ITGA1: variants seen among roughly 807,000 people sequenced by gnomAD.
ITGA1 encodes integrin subunit alpha 1.
A neutral mutation model predicts 145.9 loss-of-function variants in ITGA1; 85 were observed. The ratio of observed to expected loss-of-function variants is 0.58; its 90% CI spans 0.49 to 0.70. ITGA1 has a LOEUF of 0.70. Among genes scored for constraint, ITGA1 ranks in the 30% least tolerant of loss-of-function variants. The pLI is 0.00. For synonymous variants in ITGA1, 520 were observed against 495.3 expected, an observed-to-expected ratio of 1.05 and a Z score of -0.66; for missense variants, 1,351 against 1,418.7, an observed-to-expected ratio of 0.95 and a Z score of 0.77.
At chr5:52,944,508 T>C (rs1484446958) in intron 26 of ITGA1, among the ~76,000 whole-genome samples, 1 of 152,170 alleles carries the variant, frequency 6.6e-6, no homozygotes, top group Non-Finnish European at 1.5e-5. Flanking sequence ...ACTTGATAAT[T>C]TGGGATCTCT....
At chr5:52,866,262 C>T (rs1749686143) in intron 6 of ITGA1, among the ~76,000 whole-genome samples, 1 of 152,186 alleles carries the variant, frequency 6.6e-6, no homozygotes, top group Admixed American at 6.5e-5. Flanking sequence ...GTTGATACAC[C>T]TGTCTCTGCC....
intron 14 of ITGA1, among the ~76,000 whole-genome samples, chr5:52,911,419 CTA>C (rs1430861069): frequency 4.0e-5 from 5 of 126,524 alleles, no homozygotes; most frequent in African/African-American, 1.2e-4. Context: ...TGTATATACA[CTA>C]TATAGATACT....
At position 52,939,604 on chromosome 5, in the gene ITGA1, A is replaced by G. The variant is rs745883099; in HGVS notation, c.3093A>G (p.Arg1031=). ...TTCATTTCTAGAATGCAAACTGCAGACCCCATATCTTTGAGGATCCTTTCA... is the reference window on the plus strand; with the variant it reads ...TTCATTTCTAGAATGCAAACTGCAGGCCCCATATCTTTGAGGATCCTTTCA... ...GLSSSENANC[R]PHIFEDPFSI... is the part of the protein sequence containing the mutation. The change falls in exon 25 of 29, where the codon AGA becomes AGG. Residue 1031 remains arginine (R), a synonymous_variant. Coordinates refer to ENST00000282588, the MANE Select transcript of ITGA1 (RefSeq NM_181501.2). 108 of 1,609,708 alleles carry G rather than the reference A, an allele frequency of 6.7e-5. No homozygotes were observed. Among genetic ancestry groups the G allele is most frequent in the Non-Finnish European group, 9.0e-5 (106 of 1,176,504 alleles).
chr5:52,925,162 C>T, intron 18 of ITGA1, 116 bp from the exon 19 acceptor site: 1 of 704,232 alleles, frequency 1.4e-6, no homozygotes. Flanking sequence ...GGAAATTCTC[C>T]TTATGAGTTG....
chr5:52,927,477 A>G, intron 19 of ITGA1, 107 bp from the exon 20 acceptor site: 2 of 689,928 alleles, frequency 2.9e-6, no homozygotes, highest in East Asian at 2.7e-5. Flanking sequence ...CGAGACAAAA[A>G]TAGTGGCAAG....
chr5:52,793,669 C>A (rs1748284787), intron 1 of ITGA1, among the ~76,000 whole-genome samples: 1 of 151,982 alleles, frequency 6.6e-6, no homozygotes, highest in Non-Finnish European at 1.5e-5. Flanking sequence ...AGTATGTGAA[C>A]CCCATCTAGA....
intron 24 of ITGA1, among the ~76,000 whole-genome samples, chr5:52,938,881 A>G (rs764302191): frequency 7.2e-5 from 11 of 151,882 alleles, no homozygotes; most frequent in Middle Eastern, 3.4e-3. Context: ...GAGCCATAAT[A>G]TTGAACAAGT....
chr5:52,920,319 A>T lies in ITGA1; in HGVS notation c.2156-13A>T, dbSNP rs11948400. ...TAAACATTTCCATCAATTATTTTTT[A>T]AAATTTTTGTAGATTTGCAGTACCG... On this transcript the variant is annotated splice_polypyrimidine_tract_variant and intron_variant, in intron 16 of 28. Transcript: ENST00000282588. The T allele has an allele frequency of 3.8e-6, 6 of 1,570,194 alleles. No homozygotes were observed. The highest frequency in any genetic ancestry group is 4.6e-5 in the East Asian group (2 of 43,844).
At position 52,825,560 on chromosome 5, in the gene ITGA1, CTG is replaced by C. The variant is rs1748946832; in HGVS notation, c.62-23803_62-23802del. Reference sequence around the variant, plus strand: ...GTGTTCTGACAGCTCCACTGACCAGCTGTTTCCTTCTCTCTCTCCCTTTTCTT... The same window carrying C: ...GTGTTCTGACAGCTCCACTGACCAGCTTTCCTTCTCTCTCTCCCTTTTCTT... On this transcript the variant is annotated intron_variant, in intron 1 of 28. Coordinates refer to ENST00000282588, the MANE Select transcript of ITGA1 (RefSeq NM_181501.2). Among the ~76,000 whole-genome samples the C allele has an allele frequency of 2.0e-5, 3 of 152,314 alleles. No individual in the cohort carries two copies. The South Asian group carries it at 6.2e-4, about 32-fold the overall frequency.
At chr5:52,817,344 A>G (rs1390279018) in intron 1 of ITGA1, among the ~76,000 whole-genome samples, 1 of 152,202 alleles carries the variant, frequency 6.6e-6, no homozygotes, top group Non-Finnish European at 1.5e-5. Flanking sequence ...TGTGAGCCTC[A>G]TTTATAAAGG....
intron 5 of ITGA1, among the ~76,000 whole-genome samples, 194 bp downstream of exon 5, chr5:52,865,276 T>C (rs764928575): frequency 2.0e-5 from 3 of 152,246 alleles, no homozygotes; most frequent in Non-Finnish European, 4.4e-5. Flanking sequence ...TTAGTGTAAA[T>C]AACTTTACAA....
At chr5:52,941,450 C>T (rs1159039290) in intron 26 of ITGA1, among the ~76,000 whole-genome samples, 1 of 152,108 alleles carries the variant, frequency 6.6e-6, no homozygotes, top group Non-Finnish European at 1.5e-5. Context: ...TTTTTGACTT[C>T]TTAATAATAG....
chr5:52,874,313 T>G (rs1358225707), intron 6 of ITGA1, among the ~76,000 whole-genome samples: 1 of 151,370 alleles, frequency 6.6e-6, no homozygotes, highest in African/African-American at 2.4e-5. Context: ...TGTGATAAAG[T>G]CCCTCTTGAC....
At chr5:52,852,642 G>A (rs1749447273) in intron 2 of ITGA1, among the ~76,000 whole-genome samples, 1 of 152,114 alleles carries the variant, frequency 6.6e-6, no homozygotes, top group Admixed American at 6.6e-5. Context: ...CCAGTTCAAG[G>A]TGATTTCTAG....
chr5:52,800,957 A>G (rs146042794), intron 1 of ITGA1: 1 of 1,614,116 alleles, frequency 6.2e-7, no homozygotes, highest in Admixed American at 1.7e-5. Context: ...TTCTATGAAC[A>G]GGTGGTCCAG....
intron 6 of ITGA1, among the ~76,000 whole-genome samples, chr5:52,876,861 G>A (rs1304544080): frequency 6.6e-6 from 1 of 152,114 alleles, no homozygotes; most frequent in Non-Finnish European, 1.5e-5. Flanking sequence ...GGCTATCCTG[G>A]CAACAAGGTA....
intron 6 of ITGA1, among the ~76,000 whole-genome samples, chr5:52,879,487 CAT>C (rs1554044659): frequency 1.3e-5 from 2 of 152,176 alleles, no homozygotes; most frequent in African/African-American, 2.4e-5. Flanking sequence ...TACCCAAAGA[CAT>C]GTGTATCCAT....
chr5:52,788,075 G>C lies in ITGA1; in HGVS notation c.-279G>C. ...TTTATTTGTCCATGTCTCGGACAGAGCCTGGGAAGCTGCCAGTGAGATTTC... is the reference window on the plus strand; with the variant it reads ...TTTATTTGTCCATGTCTCGGACAGACCCTGGGAAGCTGCCAGTGAGATTTC... On this transcript the variant is annotated 5_prime_UTR_variant, in exon 1 of 29. Transcript: ENST00000282588. 1 of 399,050 alleles carries C rather than the reference G, an allele frequency of 2.5e-6. No homozygotes were observed. The highest frequency in any genetic ancestry group is 4.5e-6 in the Non-Finnish European group (1 of 223,212). The allele number at this position is 399,050 out of a possible 1,614,324, so 24.7% of individuals were successfully genotyped here. A position where few individuals can be genotyped will look rare whatever the true frequency, so the allele number is the denominator to read the frequency against.
chr5:52,914,827 A>G (rs930064822), intron 14 of ITGA1, among the ~76,000 whole-genome samples: 1 of 152,196 alleles, frequency 6.6e-6, no homozygotes, highest in Non-Finnish European at 1.5e-5. Context: ...GTCAGGAAGT[A>G]CAGATATCAA....
Sources: gnomAD v4.1 joint callset for allele counts (sites outside exome capture counted in the v4.1 genomes callset) on GRCh38, gnomAD v4.1.1 for gene constraint, MANE v1.5 for transcripts, NCBI Gene and HGNC (gene_info 2026-07-23, HGNC 2026-07-21) for gene names.